FNIP1: variants seen among roughly 807,000 people sequenced by gnomAD.
The protein encoded by FNIP1 is folliculin-interacting protein 1.
Under a neutral mutation model 124.5 loss-of-function variants are expected in FNIP1, and 40 were observed. The ratio of observed to expected loss-of-function variants is 0.32; its 90% CI spans 0.25 to 0.42. The LOEUF (loss-of-function observed/expected upper bound fraction) is 0.42, where lower values mean the gene tolerates loss of function less well. FNIP1 is among the 10% of genes least tolerant of loss of function. The pLI, the probability that FNIP1 is intolerant of heterozygous loss-of-function variation, is 1.00. For missense variants in FNIP1, 1,176 were observed against 1,403.7 expected (o/e 0.84, Z 2.59); for synonymous variants, 472 against 470.6 (o/e 1.00, Z -0.04).
At chr5:131,731,704 C>A (rs902245144) in intron 2 of FNIP1, among the ~76,000 whole-genome samples, 1 of 151,420 alleles carries the variant, frequency 6.6e-6, no homozygotes, top group South Asian at 2.1e-4. Context: ...TACAAGTTAT[C>A]GAGGATCCCA....
intron 3 of FNIP1, among the ~76,000 whole-genome samples, chr5:131,719,866 T>A (rs1386077278): frequency 1.3e-5 from 2 of 152,228 alleles, no homozygotes; most frequent in Non-Finnish European, 2.9e-5. Context: ...GAAGCATCCA[T>A]AAATGGGGCA....
At chr5:131,729,533 C>T (rs774639554) in intron 3 of FNIP1, among the ~76,000 whole-genome samples, 1 of 152,234 alleles carries the variant, frequency 6.6e-6, no homozygotes, top group South Asian at 2.1e-4. Flanking sequence ...TCACTGGGAG[C>T]TACAGACCGA....
chr5:131,674,655 C>T (rs564533114), intron 13 of FNIP1, among the ~76,000 whole-genome samples: 109 of 152,090 alleles, frequency 7.2e-4, no homozygotes, highest in African/African-American at 2.4e-3. Context: ...GAAGTTGAGG[C>T]TGCAGTGAGC....
At chr5:131,750,256 A>G (rs1638554582) in intron 1 of FNIP1, among the ~76,000 whole-genome samples, 3 of 152,272 alleles carry the variant, frequency 2.0e-5, no homozygotes, top group Admixed American at 2.0e-4. Flanking sequence ...TAGTGATGGG[A>G]CAACAATAAC....
chr5:131,693,333 C>CACAT (rs1290529554), intron 11 of FNIP1, among the ~76,000 whole-genome samples: 5 of 50,154 alleles, frequency 1.0e-4, no homozygotes, highest in African/African-American at 3.4e-4. Context: ...TATATATATA[C>CACAT]ATATATATAT....
intron 15 of FNIP1, among the ~76,000 whole-genome samples, chr5:131,664,634 CAAAA>C (rs33956526): frequency 1.3e-5 from 1 of 77,456 alleles, no homozygotes; most frequent in East Asian, 4.0e-4. Context: ...GACCCTGTCT[CAAAA>C]AAAAAAAAAA....
intron 2 of FNIP1, among the ~76,000 whole-genome samples, chr5:131,741,724 A>G (rs1260964446): frequency 6.6e-6 from 1 of 152,226 alleles, no homozygotes; most frequent in Non-Finnish European, 1.5e-5. Context: ...TGTGTCTTAC[A>G]CATTTAAAAG....
chr5:131,727,859 T>A (rs1769938773), intron 3 of FNIP1, among the ~76,000 whole-genome samples: 1 of 152,256 alleles, frequency 6.6e-6, no homozygotes, highest in South Asian at 2.1e-4. Flanking sequence ...GGAGCTCTTG[T>A]AAGGCAAGCC....
At chr5:131,670,005 A>T (rs781598378) in intron 15 of FNIP1, among the ~76,000 whole-genome samples, 1 of 152,148 alleles carries the variant, frequency 6.6e-6, no homozygotes, top group African/African-American at 2.4e-5. Flanking sequence ...CACTGATAAC[A>T]TGAGCCTGTG....
intron 10 of FNIP1, among the ~76,000 whole-genome samples, chr5:131,699,336 C>A (rs979546644): frequency 2.6e-5 from 4 of 151,404 alleles, no homozygotes; most frequent in African/African-American, 9.7e-5. Context: ...AATGATAACT[C>A]AGTAACAACA....
intron 1 of FNIP1, among the ~76,000 whole-genome samples, chr5:131,776,103 T>A (rs997996635): frequency 1.3e-5 from 2 of 152,202 alleles, no homozygotes; most frequent in Non-Finnish European, 2.9e-5. Flanking sequence ...CATCTTTGTA[T>A]CCAGAAAGTT....
chr5:131,647,633 C>T (rs990801835), intron 16 of FNIP1, among the ~76,000 whole-genome samples: 52 of 152,046 alleles, frequency 3.4e-4, no homozygotes, highest in African/African-American at 1.1e-3. Context: ...GCACCACACC[C>T]GGCTAATTTC....
chr5:131,684,148 A>C (rs773184026), intron 11 of FNIP1, among the ~76,000 whole-genome samples: 3 of 152,226 alleles, frequency 2.0e-5, no homozygotes, highest in Non-Finnish European at 4.4e-5. Context: ...AAATGCAAAA[A>C]AATTGGCACT....
At chr5:131,751,481 A>G (rs1580810101) in intron 1 of FNIP1, among the ~76,000 whole-genome samples, 2 of 152,218 alleles carry the variant, frequency 1.3e-5, no homozygotes, top group East Asian at 3.9e-4. Context: ...CCCAGTCCCA[A>G]GCTTGGTAAA....
chr5:131,759,548 A>G (rs1561693723), intron 1 of FNIP1, among the ~76,000 whole-genome samples: 1 of 152,234 alleles, frequency 6.6e-6, no homozygotes, highest in Non-Finnish European at 1.5e-5. Flanking sequence ...ACAATGAGAT[A>G]CCATCTCACA....
intron 16 of FNIP1, among the ~76,000 whole-genome samples, chr5:131,651,578 C>T (rs1433420063): frequency 6.6e-6 from 1 of 152,038 alleles, no homozygotes; most frequent in East Asian, 1.9e-4. Flanking sequence ...CTTCTTAGGC[C>T]ACTAATACCA....
At chr5:131,718,949 A>G in intron 5 of FNIP1, 37 bp downstream of exon 5, 1 of 1,554,948 alleles carries the variant, frequency 6.4e-7, no homozygotes, top group Non-Finnish European at 8.9e-7. Context: ...TGCACATCTA[A>G]AGTGATACAT....
chr5:131,669,645 T>C (rs180931909), intron 15 of FNIP1, among the ~76,000 whole-genome samples: 4 of 151,940 alleles, frequency 2.6e-5, no homozygotes, highest in African/African-American at 9.7e-5. Context: ...CATTCATGAT[T>C]AAGGGATGGA....
At chr5:131,757,348 TGC>T (rs1466649136) in intron 1 of FNIP1, among the ~76,000 whole-genome samples, 1 of 152,178 alleles carries the variant, frequency 6.6e-6, no homozygotes, top group Non-Finnish European at 1.5e-5. Context: ...TTAAGATGAC[TGC>T]ACAAAGTGAT....
Sources: allele counts gnomAD v4.1 joint callset (sites outside exome capture counted in the v4.1 genomes callset), GRCh38; gene constraint gnomAD v4.1.1; transcripts MANE v1.5; gene names NCBI Gene and HGNC (gene_info 2026-07-23, HGNC 2026-07-21).